RBM20: variants seen among roughly 807,000 people sequenced by gnomAD.
The protein encoded by RBM20 is RNA binding motif protein 20.
A neutral mutation model predicts 110.1 loss-of-function variants in RBM20; 51 were observed. The ratio of observed to expected loss-of-function variants is 0.46; its 90% CI spans 0.37 to 0.59. The LOEUF is 0.59. Among genes scored for constraint, RBM20 ranks in the 20% least tolerant of loss-of-function variants. RBM20 has a pLI of 0.00. For missense variants in RBM20, 1,512 were observed against 1,574.9 expected (o/e 0.96, Z 0.68); for synonymous variants, 589 against 618.2 (o/e 0.95, Z 0.70).
At position 110,654,439 on chromosome 10, in the gene RBM20, A is replaced by G. The variant is rs969140352; in HGVS notation, c.191+9794A>G. ...GCTTTTAATGTCCATTTTAATGCTA[A>G]TGGAAATAAGTGGATACTGATGTAA... On this transcript the variant is annotated intron_variant, in intron 1 of 13. Transcript: ENST00000369519. 1.1e-4 allele frequency among the ~76,000 whole-genome samples: 17 copies of G among 152,178 alleles called. No individual in the cohort carries two copies. In the East Asian group the frequency reaches 3.3e-3, roughly 29 times the overall value.
At chr10:110,769,253 C>CT (rs1287052783) in intron 1 of RBM20, among the ~76,000 whole-genome samples, 11 of 147,956 alleles carry the variant, frequency 7.4e-5, no homozygotes, top group Admixed American at 2.0e-4. Context: ...TATCAACAAC[C>CT]TTTTTTTTGT....
intron 1 of RBM20, among the ~76,000 whole-genome samples, chr10:110,651,191 C>T (rs1169451134): frequency 1.3e-5 from 2 of 152,246 alleles, no homozygotes. Context: ...CTCCCTCCAT[C>T]TACTTCCTCC....
intron 5 of RBM20, among the ~76,000 whole-genome samples, chr10:110,794,096 T>C (rs1031757548): frequency 3.3e-5 from 5 of 152,172 alleles, no homozygotes; most frequent in Non-Finnish European, 4.4e-5. Context: ...CCTTCTCACT[T>C]TCCTCCTTCG....
At chr10:110,777,980 A>G (rs1844289277) in intron 1 of RBM20, among the ~76,000 whole-genome samples, 1 of 152,226 alleles carries the variant, frequency 6.6e-6, no homozygotes, top group African/African-American at 2.4e-5. Flanking sequence ...TCAGCTACTT[A>G]ATACTACACA....
At chr10:110,699,041 C>A (rs930729611) in intron 1 of RBM20, among the ~76,000 whole-genome samples, 1 of 152,142 alleles carries the variant, frequency 6.6e-6, no homozygotes, top group African/African-American at 2.4e-5. Flanking sequence ...AGGACCTAAG[C>A]TAATGTAAAA....
intron 1 of RBM20, among the ~76,000 whole-genome samples, chr10:110,767,443 C>G (rs1325897497): frequency 1.4e-4 from 21 of 151,598 alleles, no homozygotes; most frequent in Middle Eastern, 3.4e-3. Flanking sequence ...ACGCTCCTCA[C>G]TTCCCAGACG....
In RBM20 at chr10:110,831,072, G is replaced by A. The variant is rs1473408518; in HGVS notation, c.3463G>A (p.Val1155Met). 17 of 1,550,738 alleles carry A rather than the reference G, an allele frequency of 1.1e-5. No homozygotes were observed. Among genetic ancestry groups the A allele is most frequent in the Admixed American group, 5.9e-5 (3 of 50,944 alleles). The change falls in exon 13 of 14, where the codon GTG (valine) becomes ATG (methionine). Residue 1155 changes from valine to methionine, a missense_variant. Coordinates refer to ENST00000369519, the MANE Select transcript of RBM20 (RefSeq NM_001134363.3). ...CCATCCTTTCCCAGGGGTGGAGTTC[G>A]TGGTTCCCAGGACTGGCTTTTATTG... ...ELSIPLGVEFVVPRTGFYCKL... is the reference protein window; with the variant it reads ...ELSIPLGVEFMVPRTGFYCKL...
intron 1 of RBM20, among the ~76,000 whole-genome samples, chr10:110,710,383 G>A (rs1004662779): frequency 6.6e-6 from 1 of 152,240 alleles, no homozygotes. Context: ...CACTTCCCAT[G>A]TGATTGCTAT....
intron 1 of RBM20, among the ~76,000 whole-genome samples, chr10:110,722,208 A>G (rs545491634): frequency 6.6e-6 from 1 of 152,322 alleles, no homozygotes; most frequent in East Asian, 1.9e-4. Flanking sequence ...TAATGGGAAG[A>G]TGTATTTCAA....
intron 1 of RBM20, among the ~76,000 whole-genome samples, chr10:110,733,977 G>A (rs770189382): frequency 7.9e-5 from 12 of 152,038 alleles, no homozygotes; most frequent in African/African-American, 1.2e-4. Flanking sequence ...TTATACCTGC[G>A]AATGTCTGTT....
At chr10:110,776,155 G>A (rs899056584) in intron 1 of RBM20, among the ~76,000 whole-genome samples, 2 of 152,154 alleles carry the variant, frequency 1.3e-5, no homozygotes, top group Non-Finnish European at 2.9e-5. Context: ...TGCAGAATTG[G>A]CCCCTGACTA....
chr10:110,801,578 A>C (rs925895547), intron 7 of RBM20, among the ~76,000 whole-genome samples: 6 of 152,036 alleles, frequency 3.9e-5, no homozygotes, highest in Non-Finnish European at 7.4e-5. Context: ...CTCTGTCACC[A>C]GGCTGGAGCG....
Position 110,644,570 on chromosome 10 carries a change from G to C in RBM20, c.116G>C (p.Arg39Pro). Residue 39 changes from arginine (R) to proline (P), a missense_variant, in exon 1 of 14, where the codon CGA (arginine) becomes CCA (proline). Physicochemically the swap from Arg to Pro is moderately radical, Grantham distance 103. Coordinates refer to ENST00000369519, the MANE Select transcript of RBM20 (RefSeq NM_001134363.3). This position sits in a 1 kb window ranked among gnomAD's most constrained non-coding sequence, Gnocchi z 4.3. The stretch of plus-strand genomic sequence containing the variant: ...GCGTCCCCGGCACCCTCCGGCCCGC[G>C]AGGGATGCAGCAGCCGCCGCCGCCG... Reference protein sequence around the residue: ...ARASPAPSGPRGMQQPPPPPQ... With the variant: ...ARASPAPSGPPGMQQPPPPPQ... 1 of 1,526,664 alleles carries C rather than the reference G, an allele frequency of 6.6e-7. No homozygotes were observed. The highest frequency in any genetic ancestry group is 8.8e-7 in the Non-Finnish European group (1 of 1,140,366). The allele number at this position is 1,526,664 out of a possible 1,614,324, so 94.6% of individuals were successfully genotyped here. A position where few individuals can be genotyped will look rare whatever the true frequency, so the allele number is the denominator to read the frequency against.
chr10:110,715,747 C>T (rs1251209555), intron 1 of RBM20, among the ~76,000 whole-genome samples: 8 of 152,224 alleles, frequency 5.3e-5, no homozygotes, highest in Admixed American at 4.6e-4. Context: ...GCCTTGATCA[C>T]TGAGATGGGG....
chr10:110,746,972 G>C (rs192906898), intron 1 of RBM20, among the ~76,000 whole-genome samples: 8 of 152,114 alleles, frequency 5.3e-5, no homozygotes, highest in Admixed American at 4.6e-4. Context: ...CACCATTATA[G>C]TTGTTTGTAT....
At chr10:110,822,319 G>A in intron 11 of RBM20, 1 of 415,704 alleles carries the variant, frequency 2.4e-6, no homozygotes, top group South Asian at 1.9e-5. Flanking sequence ...TTTCTGTGAT[G>A]GGGGCAAGAG....
chr10:110,797,335 G>C (rs897456107), intron 5 of RBM20, among the ~76,000 whole-genome samples, 173 bp from the exon 6 acceptor site: 2 of 152,092 alleles, frequency 1.3e-5, no homozygotes, highest in African/African-American at 4.8e-5. Context: ...TAAAGAGATA[G>C]AATAAAATTG....
chr10:110,778,213 C>T (rs1431019749), intron 1 of RBM20, among the ~76,000 whole-genome samples: 1 of 152,236 alleles, frequency 6.6e-6, no homozygotes, highest in African/African-American at 2.4e-5. Flanking sequence ...TTTTAAAATG[C>T]AGCCAGCCTG....
intron 1 of RBM20, among the ~76,000 whole-genome samples, chr10:110,656,669 C>T (rs1862030394): frequency 6.6e-6 from 1 of 152,222 alleles, no homozygotes; most frequent in Admixed American, 6.5e-5. Context: ...ATCTGCTTTC[C>T]ATCCCTATGG....
Sources: allele counts gnomAD v4.1 joint callset (sites outside exome capture counted in the v4.1 genomes callset), GRCh38; gene constraint gnomAD v4.1.1; non-coding constraint Gnocchi (gnomAD v3.1); transcripts MANE v1.5; gene names NCBI Gene and HGNC (gene_info 2026-07-23, HGNC 2026-07-21).